FARS2: variants seen among roughly 807,000 people sequenced by gnomAD.
FARS2 encodes the protein phenylalanine--tRNA ligase, mitochondrial.
FARS2 carries 40 observed loss-of-function variants against 46.4 expected under a neutral mutation model. That is an observed-to-expected ratio of 0.86 (90% CI 0.67 to 1.12). FARS2 has a LOEUF of 1.12. FARS2 is among the 50% of genes most tolerant of loss of function. FARS2 has a pLI of 0.00. For missense variants in FARS2, 513 were observed against 567.9 expected, an observed-to-expected ratio of 0.90 and a Z score of 0.98; for synonymous variants, 234 against 214.9, an observed-to-expected ratio of 1.09 and a Z score of -0.78.
At chr6:5,461,913 AT>A (rs1399026252) in intron 4 of FARS2, among the ~76,000 whole-genome samples, 2 of 152,134 alleles carry the variant, frequency 1.3e-5, no homozygotes, top group African/African-American at 2.4e-5. Context: ...TGGCCATATG[AT>A]TTCATTTCTT....
At chr6:5,260,617 CGCCCCCGGCCCCCG>C, upstream of FARS2, 1 of 1,491,604 alleles carries the variant, frequency 6.7e-7, no homozygotes, top group Non-Finnish European at 8.9e-7. Context: ...CCTGGCCCCC[CGCCCCCGGCCCCCG>C]GTGCCCGCTG....
chr6:5,406,337 T>G (rs1761594228), intron 3 of FARS2, among the ~76,000 whole-genome samples: 1 of 152,244 alleles, frequency 6.6e-6, no homozygotes, highest in Non-Finnish European at 1.5e-5. Flanking sequence ...TTTTGACGTC[T>G]TGCAAGTTCA....
At chr6:5,349,089 A>G (rs1419319969) in intron 1 of FARS2, among the ~76,000 whole-genome samples, 1 of 152,210 alleles carries the variant, frequency 6.6e-6, no homozygotes, top group Non-Finnish European at 1.5e-5. Context: ...TCTATCAAAA[A>G]TAAAACATAA....
chr6:5,670,611 A>G (rs891061825), intron 6 of FARS2, among the ~76,000 whole-genome samples: 9 of 152,208 alleles, frequency 5.9e-5, no homozygotes, highest in South Asian at 2.1e-4. Flanking sequence ...GCAAGTTATT[A>G]CTTGTACGTA....
chr6:5,714,356 G>T (rs1300426254), intron 6 of FARS2, among the ~76,000 whole-genome samples: 3 of 152,144 alleles, frequency 2.0e-5, no homozygotes, highest in Admixed American at 2.0e-4. Flanking sequence ...CCAATGGGAA[G>T]GGTCTGGAAG....
intron 1 of FARS2, among the ~76,000 whole-genome samples, chr6:5,321,910 A>G (rs1561956381): frequency 6.6e-6 from 1 of 152,204 alleles, no homozygotes; most frequent in African/African-American, 2.4e-5. Context: ...AGAGCTATTC[A>G]CAATTTATGG....
At chr6:5,283,831 C>T (rs943194377) in intron 1 of FARS2, among the ~76,000 whole-genome samples, 1 of 152,108 alleles carries the variant, frequency 6.6e-6, no homozygotes, top group African/African-American at 2.4e-5. Flanking sequence ...AGTCCCCAAT[C>T]AATAAAAATT....
At chr6:5,654,274 A>G (rs1777505714) in intron 6 of FARS2, among the ~76,000 whole-genome samples, 1 of 152,260 alleles carries the variant, frequency 6.6e-6, no homozygotes, top group Admixed American at 6.5e-5. Context: ...TGCCACATCC[A>G]TGGGTTTCCT....
intron 1 of FARS2, among the ~76,000 whole-genome samples, chr6:5,367,012 C>T (rs1758725259): frequency 6.6e-6 from 1 of 152,150 alleles, no homozygotes; most frequent in African/African-American, 2.4e-5. Flanking sequence ...TGAATAAAAC[C>T]AGAGAGTTCC....
At chr6:5,537,477 C>CCGGGCCTCCTCTCGAGTTGGAGATGTCT in intron 4 of FARS2, among the ~76,000 whole-genome samples, 4 of 150,372 alleles carry the variant, frequency 2.7e-5, no homozygotes, top group African/African-American at 9.8e-5. Flanking sequence ...TGGAGATGTC[C>CCGGGCCTCCTCTCGAGTTGGAGATGTCT]CGGGCCTCCT....
chr6:5,766,404 A>G (rs565991826), intron 6 of FARS2, among the ~76,000 whole-genome samples: 11 of 152,232 alleles, frequency 7.2e-5, no homozygotes, highest in Non-Finnish European at 1.6e-4. Flanking sequence ...AAGACATTAA[A>G]TCGTCTGTGC....
chr6:5,312,520 A>G (rs540044562), intron 1 of FARS2, among the ~76,000 whole-genome samples: 23 of 152,230 alleles, frequency 1.5e-4, no homozygotes, highest in Non-Finnish European at 1.9e-4. Context: ...GGAAATATCA[A>G]AACTTCAAAG....
chr6:5,589,107 T>TA (rs1335379285), intron 5 of FARS2, among the ~76,000 whole-genome samples: 1 of 152,188 alleles, frequency 6.6e-6, no homozygotes, highest in Non-Finnish European at 1.5e-5. Context: ...GCATCTCTGA[T>TA]ACCTTTATAA....
chr6:5,409,345 G>GTCCCACTTAC (rs1761799720), intron 3 of FARS2, among the ~76,000 whole-genome samples: 1 of 152,126 alleles, frequency 6.6e-6, no homozygotes, highest in African/African-American at 2.4e-5. Flanking sequence ...CGGCTACTCA[G>GTCCCACTTAC]GAGGCTGAGG....
intron 4 of FARS2, among the ~76,000 whole-genome samples, chr6:5,506,253 A>G (rs537517184): frequency 5.7e-4 from 87 of 152,228 alleles, no homozygotes; most frequent in African/African-American, 1.7e-3. Flanking sequence ...TGCTCCTCCT[A>G]GGGAGTACTG....
intron 2 of FARS2, among the ~76,000 whole-genome samples, chr6:5,388,514 T>A (rs542122247): frequency 6.6e-6 from 1 of 152,146 alleles, no homozygotes; most frequent in African/African-American, 2.4e-5. Context: ...TGGCACTGAT[T>A]TTATATTTGC....
chr6:5,737,915 G>T lies in FARS2; in HGVS notation c.1218-33376G>T, dbSNP rs542816931. Among the ~76,000 whole-genome samples, 3 of 152,300 alleles carry T rather than the reference G, an allele frequency of 2.0e-5. No individual in the cohort carries two copies. In the East Asian group the frequency reaches 5.8e-4, roughly 29 times the overall value. ...CCATGGCACTATTAGCAGTTGCTTTGTTCTGCATACCTTCAGAATTCGTTG... is the reference window on the plus strand; with the variant it reads ...CCATGGCACTATTAGCAGTTGCTTTTTTCTGCATACCTTCAGAATTCGTTG... On this transcript the variant is annotated intron_variant, in intron 6 of 6. Transcript: ENST00000274680.
At chr6:5,551,336 G>A (rs1445887602) in intron 5 of FARS2, among the ~76,000 whole-genome samples, 1 of 152,124 alleles carries the variant, frequency 6.6e-6, no homozygotes, top group African/African-American at 2.4e-5. Context: ...CCACCAGTAT[G>A]TTTATGAATA....
chr6:5,659,429 C>T (rs563851562), intron 6 of FARS2, among the ~76,000 whole-genome samples: 1 of 152,312 alleles, frequency 6.6e-6, no homozygotes, highest in Non-Finnish European at 1.5e-5. Flanking sequence ...GAGGAACTCA[C>T]AGTACAGCGA....
Sources: allele counts gnomAD v4.1 joint callset (sites outside exome capture counted in the v4.1 genomes callset), GRCh38; gene constraint gnomAD v4.1.1; transcripts MANE v1.5; gene names NCBI Gene and HGNC (gene_info 2026-07-23, HGNC 2026-07-21).